PKN2: variants seen among roughly 807,000 people sequenced by gnomAD.
PKN2 encodes serine/threonine-protein kinase N2.
In PKN2, 38 loss-of-function variants were observed where a neutral mutation model predicts 119.1. The ratio of observed to expected loss-of-function variants is 0.32; its 90% CI spans 0.25 to 0.42. The LOEUF (loss-of-function observed/expected upper bound fraction) is 0.42. Among genes scored for constraint, PKN2 ranks in the 10% least tolerant of loss-of-function variants. PKN2 has a pLI of 1.00. For synonymous variants in PKN2, 390 were observed against 384.9 expected (o/e 1.01, Z -0.15); for missense variants, 850 against 1,165.1 (o/e 0.73, Z 3.94).
intron 12 of PKN2, chr1:88,806,322 A>T (rs573832003): frequency 1.9e-5 from 6 of 308,214 alleles, no homozygotes; most frequent in South Asian, 1.7e-4. Flanking sequence ...GGCACATGCC[A>T]CCATGCCTGG....
In PKN2 at chr1:88,792,273, G is replaced by A. The variant is rs79083887; in HGVS notation, c.1281+6060G>A. Among the ~76,000 whole-genome samples the A allele has an allele frequency of 5.7e-3, 871 of 152,194 alleles. 32 individuals are homozygous for A. The East Asian group carries it at 0.093, about 16-fold the overall frequency. ...TACAAAATTAGCTGGACATAGTGGCGCATGCCTGTAACCCAGCTACTCGGG... is the reference window on the plus strand; with the variant it reads ...TACAAAATTAGCTGGACATAGTGGCACATGCCTGTAACCCAGCTACTCGGG... On this transcript the variant is annotated intron_variant, in intron 8 of 21. Transcript: ENST00000370521.
At chr1:88,766,428 C>CAA (rs1242545105) in intron 3 of PKN2, among the ~76,000 whole-genome samples, 1 of 152,084 alleles carries the variant, frequency 6.6e-6, no homozygotes, top group African/African-American at 2.4e-5. Flanking sequence ...CTATAGCTTG[C>CAA]AAAACAGTGT....
chr1:88,734,182 G>A (rs1301731354), intron 1 of PKN2, among the ~76,000 whole-genome samples: 2 of 151,690 alleles, frequency 1.3e-5, no homozygotes, highest in African/African-American at 2.4e-5. Context: ...AAAAAATTTG[G>A]AGCGTTTTAG....
chr1:88,701,488 A>T (rs1291577295), intron 1 of PKN2, among the ~76,000 whole-genome samples: 1 of 152,212 alleles, frequency 6.6e-6, no homozygotes, highest in African/African-American at 2.4e-5. Context: ...GACTTGCTCA[A>T]GGCCAGCTCT....
chr1:88,687,749 A>G (rs763931581), intron 1 of PKN2, among the ~76,000 whole-genome samples: 1 of 149,890 alleles, frequency 6.7e-6, no homozygotes, highest in Non-Finnish European at 1.5e-5. Context: ...TACAGGGGTT[A>G]ATTTCACCAA....
intron 2 of PKN2, among the ~76,000 whole-genome samples, chr1:88,748,222 C>T (rs1668846354): frequency 6.6e-6 from 1 of 152,180 alleles, no homozygotes. Flanking sequence ...ATGCCCTATA[C>T]ATCTCCCTCA....
intron 16 of PKN2, among the ~76,000 whole-genome samples, chr1:88,816,268 A>G (rs1447270392): frequency 6.6e-6 from 1 of 152,142 alleles, no homozygotes; most frequent in African/African-American, 2.4e-5. Context: ...TTGTTTTGAG[A>G]CAGAGTCTTG....
At chr1:88,824,074 T>C (rs903398084) in intron 17 of PKN2, among the ~76,000 whole-genome samples, 2 of 152,144 alleles carry the variant, frequency 1.3e-5, no homozygotes, top group African/African-American at 4.8e-5. Flanking sequence ...ATTTTTCCTT[T>C]TTTATGTAAC....
chr1:88,731,545 G>A (rs12407281), intron 1 of PKN2, among the ~76,000 whole-genome samples: 17,004 of 152,166 alleles, frequency 0.11, 1,975 homozygotes, highest in African/African-American at 0.3. Context: ...TCTGACAGCT[G>A]GTTGCTTAGC....
At chr1:88,684,774 C>A in intron 1 of PKN2, 146 bp downstream of exon 1, 2 of 662,930 alleles carry the variant, frequency 3.0e-6, no homozygotes, top group Non-Finnish European at 4.7e-6. Context: ...TCGGGAAATG[C>A]TTCCCTCGGG....
intron 8 of PKN2, among the ~76,000 whole-genome samples, chr1:88,802,246 T>G (rs780659359): frequency 1.3e-5 from 2 of 152,172 alleles, no homozygotes; most frequent in Non-Finnish European, 2.9e-5. Context: ...ATGTAGAGTA[T>G]AGAATTCTAG....
intron 1 of PKN2, among the ~76,000 whole-genome samples, chr1:88,696,801 G>T (rs1272190439): frequency 6.6e-6 from 1 of 151,976 alleles, no homozygotes; most frequent in Non-Finnish European, 1.5e-5. Context: ...ACTTTCCATC[G>T]ATTATAGAAT....
intron 8 of PKN2, among the ~76,000 whole-genome samples, chr1:88,789,107 C>T (rs959018982): frequency 3.3e-5 from 5 of 151,982 alleles, no homozygotes; most frequent in Non-Finnish European, 4.4e-5. Flanking sequence ...TAGAAAATGT[C>T]GACCGATCAC....
chr1:88,705,430 C>T (rs1666936494), intron 1 of PKN2, among the ~76,000 whole-genome samples: 1 of 151,978 alleles, frequency 6.6e-6, no homozygotes, highest in South Asian at 2.1e-4. Context: ...CACGGTGGTG[C>T]ACACCTGTAA....
At chr1:88,779,787 T>C (rs1189087828) in intron 6 of PKN2, among the ~76,000 whole-genome samples, 1 of 152,224 alleles carries the variant, frequency 6.6e-6, no homozygotes, top group Admixed American at 6.5e-5. Context: ...CATCAAAACA[T>C]GAAGGACAAA....
chr1:88,805,623 C>T lies in PKN2; in HGVS notation c.1628C>T (p.Thr543Ile), dbSNP rs747369115. The T allele has an allele frequency of 6.8e-6, 11 of 1,613,992 alleles. No homozygotes were observed. In the South Asian group the frequency reaches 9.9e-5, roughly 14 times the overall value. The stretch of plus-strand genomic sequence containing the variant: ...AGCCCTCAAGCTCCTGTGCCTACTA[C>T]AGTGCCAGTGGTTGATGTACGCATC... ...TFSPQAPVPT[T>I]VPVVDVRIPQ... Residue 543 changes from threonine (T) to isoleucine (I), a missense_variant, in exon 11 of 22, where the codon ACA becomes ATA. Transcript: ENST00000370521.
At chr1:88,734,177 A>AG (rs1668250213) in intron 1 of PKN2, among the ~76,000 whole-genome samples, 1 of 150,944 alleles carries the variant, frequency 6.6e-6, no homozygotes, top group Non-Finnish European at 1.5e-5. Context: ...AAAAAAAAAA[A>AG]TTTGGAGCGT....
chr1:88,818,049 A>G (rs1051955034), intron 16 of PKN2, among the ~76,000 whole-genome samples: 2 of 152,192 alleles, frequency 1.3e-5, no homozygotes, highest in Non-Finnish European at 2.9e-5. Context: ...TCAATGTGCA[A>G]AAATCACAAG....
chr1:88,732,589 AGTCT>A (rs1166004022), intron 1 of PKN2, among the ~76,000 whole-genome samples: 3 of 152,288 alleles, frequency 2.0e-5, no homozygotes, highest in African/African-American at 4.8e-5. Context: ...TTTATAAGGG[AGTCT>A]GTCTGTGCCC....
Sources: gnomAD v4.1 joint callset for allele counts (sites outside exome capture counted in the v4.1 genomes callset) on GRCh38, gnomAD v4.1.1 for gene constraint, MANE v1.5 for transcripts, NCBI Gene and HGNC (gene_info 2026-07-23, HGNC 2026-07-21) for gene names.